RLN2: variants seen among roughly 807,000 people sequenced by gnomAD.
RLN2 encodes relaxin 2, also known as prorelaxin H2.
A neutral mutation model predicts 7.3 loss-of-function variants in RLN2; 10 were observed. The observed-to-expected ratio is 1.36, with a 90% CI of 0.84 to 2.31. RLN2 has a LOEUF of 2.31. Ranked by LOEUF, RLN2 falls within the 30% of genes most tolerant of loss-of-function variation. The pLI is 0.00. For synonymous variants in RLN2, 103 were observed against 82.3 expected (o/e 1.25, Z -1.36); for missense variants, 298 against 217.6 (o/e 1.37, Z -2.32).
chr9:5,305,204 A>T (rs146000542), upstream of RLN2, among the ~76,000 whole-genome samples: 85 of 152,162 alleles, frequency 5.6e-4, no homozygotes, highest in African/African-American at 1.9e-3. Context: ...CCCCAGTAAC[A>T]TCATGTTAGG....
At chr9:5,314,889 G>T in the RLN2 span, among the ~76,000 whole-genome samples, 1 of 151,086 alleles carries the variant, frequency 6.6e-6, no homozygotes, top group South Asian at 2.1e-4. Flanking sequence ...TGCCCTATTG[G>T]CTCCGTTTCC....
At chr9:5,307,271 GGATAGATAGATA>G (rs148888922), upstream of RLN2, among the ~76,000 whole-genome samples, 30,081 of 143,282 alleles carry the variant, frequency 0.21, 3,467 homozygotes, top group African/African-American at 0.3. Flanking sequence ...GATAGATAGA[GGATAGATAGATA>G]GATAGATAGA....
chr9:5,312,378 G>A, the RLN2 span, among the ~76,000 whole-genome samples: 1,437 of 152,140 alleles, frequency 9.4e-3, 34 homozygotes, highest in African/African-American at 0.033. Flanking sequence ...CACTGAGATG[G>A]CAGCTGTCAA....
chr9:5,302,975 C>G (rs1451817342), intron 1 of RLN2, among the ~76,000 whole-genome samples: 2 of 130,196 alleles, frequency 1.5e-5, no homozygotes, highest in African/African-American at 3.0e-5. Flanking sequence ...TCTACGAGTG[C>G]TTCTCATTTT....
chr9:5,301,257 C>G (rs1816123335), intron 1 of RLN2, among the ~76,000 whole-genome samples: 2 of 152,214 alleles, frequency 1.3e-5, no homozygotes, highest in Non-Finnish European at 2.9e-5. Context: ...TACACAGCAT[C>G]CCAGGCTGGC....
the RLN2 span, among the ~76,000 whole-genome samples, chr9:5,334,358 G>A: frequency 2.0e-5 from 3 of 151,792 alleles, no homozygotes; most frequent in East Asian, 1.9e-4. Context: ...ATTTGATGGA[G>A]GAGATTAACT....
the RLN2 span, among the ~76,000 whole-genome samples, chr9:5,334,580 A>G: frequency 6.6e-6 from 1 of 152,006 alleles, no homozygotes; most frequent in African/African-American, 2.4e-5. Context: ...CTTCTGTAAT[A>G]TATGATATGG....
In RLN2 at chr9:5,304,548, T is replaced by C. The variant is rs1371182462; in HGVS notation, c.33A>G (p.Gly11=). The C allele has an allele frequency of 6.2e-7, 1 of 1,613,614 alleles. No individual in the cohort carries two copies. Among genetic ancestry groups the C allele is most frequent in the Non-Finnish European group, 8.5e-7 (1 of 1,179,876 alleles). Residue 11 remains glycine (G), a synonymous_variant, in exon 1 of 2, where the codon GGA becomes GGG. Transcript: ENST00000381627. MPRLFFFHLL[G]VCLLLNQFSR... Reference sequence around the variant, plus strand: ...AAAATTGGTTCAGTAGTAAACAGACTCCTAGCAGGTGGAAAAAAAACAGGC... The same window carrying C: ...AAAATTGGTTCAGTAGTAAACAGACCCCTAGCAGGTGGAAAAAAAACAGGC...
intron 1 of RLN2, among the ~76,000 whole-genome samples, chr9:5,302,911 A>G (rs1816179526): frequency 6.7e-6 from 1 of 148,160 alleles, no homozygotes; most frequent in Non-Finnish European, 1.5e-5. Context: ...TTACTTGTTT[A>G]ATATAATTTC....
At chr9:5,306,008 T>C (rs1430362253), upstream of RLN2, among the ~76,000 whole-genome samples, 15 of 151,918 alleles carry the variant, frequency 9.9e-5, no homozygotes, top group Non-Finnish European at 1.5e-5. Flanking sequence ...TTTTTGTGGG[T>C]TGACAGTCCT....
At chr9:5,301,994 A>T (rs1303430268) in intron 1 of RLN2, among the ~76,000 whole-genome samples, 1 of 152,146 alleles carries the variant, frequency 6.6e-6, no homozygotes, top group Admixed American at 6.6e-5. Flanking sequence ...ATTCAATTTC[A>T]TCATAAAAAC....
chr9:5,305,040 A>G (rs1816218022), upstream of RLN2: 1 of 162,446 alleles, frequency 6.2e-6, no homozygotes, highest in African/African-American at 2.4e-5. Flanking sequence ...AACCTAAATA[A>G]GATTATAGAT....
chr9:5,310,446 A>G, the RLN2 span, among the ~76,000 whole-genome samples: 1 of 151,994 alleles, frequency 6.6e-6, no homozygotes. Flanking sequence ...CTTATTTCCT[A>G]GGAAAAAACT....
Position 5,304,571 on chromosome 9 carries a change from G to C in RLN2, c.10C>G (p.Leu4Val), listed in dbSNP as rs147761150. 3 of 1,613,836 alleles carry C rather than the reference G, an allele frequency of 1.9e-6. No homozygotes were observed. The highest frequency in any genetic ancestry group is 1.3e-5 in the African/African-American group (1 of 74,948). ...ACTCCTAGCAGGTGGAAAAAAAACA[G>C]GCGAGGCATCCTGGGCCTGGTCTCT... The part of the protein sequence containing the change: MPR[L>V]FFFHLLGVCL... Residue 4 changes from leucine (L) to valine (V), a missense_variant, in exon 1 of 2, where the codon CTG becomes GTG. Leu to Val is a conservative substitution (Grantham distance 32). Coordinates refer to ENST00000381627, the MANE Select transcript of RLN2 (RefSeq NM_134441.3).
intron 1 of RLN2, among the ~76,000 whole-genome samples, chr9:5,301,277 A>AGGCTGGGACTTG (rs1816123737): frequency 6.6e-6 from 1 of 152,186 alleles, no homozygotes; most frequent in Non-Finnish European, 1.5e-5. Context: ...CCAAATGTGA[A>AGGCTGGGACTTG]GGCTGGGACT....
At chr9:5,324,022 G>A in the RLN2 span, among the ~76,000 whole-genome samples, 1 of 151,776 alleles carries the variant, frequency 6.6e-6, no homozygotes, top group Non-Finnish European at 1.5e-5. Flanking sequence ...ACTCCAGTCT[G>A]GGCAACAGAG....
chr9:5,331,880 G>A, the RLN2 span, among the ~76,000 whole-genome samples: 1 of 151,898 alleles, frequency 6.6e-6, no homozygotes, highest in South Asian at 2.1e-4. Flanking sequence ...CAATTTTGCA[G>A]TATCTATTAA....
chr9:5,332,868 C>T, the RLN2 span, among the ~76,000 whole-genome samples: 3 of 151,990 alleles, frequency 2.0e-5, no homozygotes, highest in East Asian at 1.9e-4. Flanking sequence ...CCACCTGCCT[C>T]GGCCTCCCAA....
At chr9:5,308,682 C>T (rs76008007), upstream of RLN2, among the ~76,000 whole-genome samples, 2,237 of 152,138 alleles carry the variant, frequency 0.015, 88 homozygotes, top group African/African-American at 0.052. Context: ...TTAATCCCAA[C>T]ATTATGTGCT....
Sources: gnomAD v4.1 joint callset for allele counts (sites outside exome capture counted in the v4.1 genomes callset) on GRCh38, gnomAD v4.1.1 for gene constraint, MANE v1.5 for transcripts, NCBI Gene and HGNC (gene_info 2026-07-23, HGNC 2026-07-21) for gene names.